The following CAMKMT variants were observed in gnomAD, a reference collection of about 807,000 sequenced individuals.
The protein encoded by CAMKMT is calmodulin-lysine N-methyltransferase, also known as CaM KMT.
Under a neutral mutation model 48.0 loss-of-function variants are expected in CAMKMT, and 53 were observed. The ratio of observed to expected loss-of-function variants is 1.10; its 90% CI spans 0.89 to 1.39. The LOEUF is 1.39. Among genes scored for constraint, CAMKMT ranks in the 40% most tolerant of loss-of-function variants. The probability of loss-of-function intolerance (pLI) is 0.00; values close to 1 mark genes in which losing one functional copy is unlikely to be tolerated. For missense variants in CAMKMT, 428 were observed against 402.7 expected, an observed-to-expected ratio of 1.06 and a Z score of -0.54; for synonymous variants, 165 against 152.3, an observed-to-expected ratio of 1.08 and a Z score of -0.61.
chr2:44,422,460 A>G (rs936082564), intron 3 of CAMKMT, among the ~76,000 whole-genome samples: 3 of 152,108 alleles, frequency 2.0e-5, no homozygotes, highest in East Asian at 1.9e-4. Context: ...TGGGAAATAC[A>G]GAGGGACCCA....
intron 2 of CAMKMT, among the ~76,000 whole-genome samples, chr2:44,384,444 A>G (rs1238423324): frequency 6.8e-6 from 1 of 147,828 alleles, no homozygotes; most frequent in East Asian, 2.0e-4. Flanking sequence ...TACTCTGCTG[A>G]CTGTTCCTTT....
intron 6 of CAMKMT, among the ~76,000 whole-genome samples, chr2:44,710,209 A>G (rs1342190272): frequency 1.3e-5 from 2 of 152,024 alleles, no homozygotes; most frequent in African/African-American, 4.8e-5. Flanking sequence ...GAATCTTTAT[A>G]TCACAGAAGC....
At chr2:44,527,794 C>CCT (rs1553409542) in intron 3 of CAMKMT, among the ~76,000 whole-genome samples, 3 of 137,388 alleles carry the variant, frequency 2.2e-5, no homozygotes, top group Non-Finnish European at 4.8e-5. Flanking sequence ...AGCCCCCCCC[C>CCT]CCATTATCAA....
intron 9 of CAMKMT, among the ~76,000 whole-genome samples, chr2:44,757,863 C>T (rs1386215101): frequency 1.3e-5 from 2 of 152,182 alleles, no homozygotes; most frequent in African/African-American, 2.4e-5. Flanking sequence ...TGAGCCACCA[C>T]GCTCGGCCTT....
At chr2:44,453,762 G>A (rs1667418182) in intron 3 of CAMKMT, among the ~76,000 whole-genome samples, 1 of 152,070 alleles carries the variant, frequency 6.6e-6, no homozygotes, top group Non-Finnish European at 1.5e-5. Flanking sequence ...ATGAATTACT[G>A]AAACATCATT....
chr2:44,542,027 G>C (rs1323395031), intron 3 of CAMKMT, among the ~76,000 whole-genome samples: 1 of 151,846 alleles, frequency 6.6e-6, no homozygotes, highest in Non-Finnish European at 1.5e-5. Context: ...TACTTGGGAG[G>C]CTGAGGCAGG....
At chr2:44,441,676 T>C (rs1666673258) in intron 3 of CAMKMT, among the ~76,000 whole-genome samples, 1 of 152,208 alleles carries the variant, frequency 6.6e-6, no homozygotes, top group Non-Finnish European at 1.5e-5. Flanking sequence ...TAATTTCAAA[T>C]TTAGAAAGTG....
At chr2:44,399,110 G>T (rs534880407) in intron 3 of CAMKMT, among the ~76,000 whole-genome samples, 4 of 152,128 alleles carry the variant, frequency 2.6e-5, no homozygotes, top group Non-Finnish European at 4.4e-5. Context: ...GCTTGTCCTG[G>T]TATACTGGAT....
chr2:44,578,092 G>T (rs1436129768), intron 3 of CAMKMT, among the ~76,000 whole-genome samples: 1 of 152,130 alleles, frequency 6.6e-6, no homozygotes, highest in African/African-American at 2.4e-5. Context: ...GTGTCAATTT[G>T]GTTTCTAGAT....
intron 3 of CAMKMT, among the ~76,000 whole-genome samples, chr2:44,595,796 A>G (rs919586260): frequency 3.9e-5 from 6 of 152,216 alleles, no homozygotes; most frequent in Admixed American, 6.5e-5. Context: ...ATGGAATAGT[A>G]TGCAGCTGTA....
chr2:44,575,127 G>A (rs1669143985), intron 3 of CAMKMT, among the ~76,000 whole-genome samples: 1 of 147,268 alleles, frequency 6.8e-6, no homozygotes, highest in Non-Finnish European at 1.5e-5. Context: ...CACCCAGGCT[G>A]GGGTGCAGTG....
chr2:44,689,680 T>G (rs924323335), intron 3 of CAMKMT, among the ~76,000 whole-genome samples: 1 of 152,236 alleles, frequency 6.6e-6, no homozygotes, highest in African/African-American at 2.4e-5. Flanking sequence ...CTCTGTGGTC[T>G]GATTTTCTGG....
rs79780506 is a variant in CAMKMT, at chr2:44,456,107, T to G, written c.376+65802T>G. ...AATGGTGCCTTGTGTAATTCAAATA[T>G]TTGTTCAGTAAAAGTCAGGTCAACA... On this transcript the variant is annotated intron_variant, in intron 3 of 10. Transcript: ENST00000378494. Among the ~76,000 whole-genome samples, 773 of 152,296 alleles carry G rather than the reference T, an allele frequency of 5.1e-3. 3 individuals carry two copies. The highest frequency in any genetic ancestry group is 0.018 in the African/African-American group (745 of 41,572).
At chr2:44,461,668 G>A (rs1667856387) in intron 3 of CAMKMT, among the ~76,000 whole-genome samples, 1 of 152,126 alleles carries the variant, frequency 6.6e-6, no homozygotes, top group African/African-American at 2.4e-5. Flanking sequence ...ATAAGTGAGT[G>A]TAAATGACTA....
chr2:44,596,061 A>G (rs1670636213), intron 3 of CAMKMT, among the ~76,000 whole-genome samples: 2 of 151,908 alleles, frequency 1.3e-5, no homozygotes, highest in South Asian at 2.1e-4. Context: ...GGTGCAGCAA[A>G]CCACCATGGC....
chr2:44,476,861 A>G (rs1440518011), intron 3 of CAMKMT, among the ~76,000 whole-genome samples: 2 of 152,198 alleles, frequency 1.3e-5, no homozygotes, highest in South Asian at 2.1e-4. Flanking sequence ...GGATTGGTCT[A>G]AGGATCAATG....
chr2:44,770,649 A>G (rs1043256900), intron 10 of CAMKMT, among the ~76,000 whole-genome samples: 8 of 152,170 alleles, frequency 5.3e-5, no homozygotes, highest in Admixed American at 2.0e-4. Context: ...GCAACTGGCA[A>G]CAAAAGTATT....
rs868783244 is a variant in CAMKMT at position 44,376,438 on chromosome 2, T to A, written c.311+3550T>A. On this transcript the variant is annotated intron_variant, in intron 2 of 10. Coordinates refer to ENST00000378494, the MANE Select transcript of CAMKMT (RefSeq NM_024766.5). Reference sequence around the variant, plus strand: ...CTGTATCAAAAAAAAAAAAAAAAAATAGACACTGGGGATGTTACAAGTTCC... The same window carrying A: ...CTGTATCAAAAAAAAAAAAAAAAAAAAGACACTGGGGATGTTACAAGTTCC... Among the ~76,000 whole-genome samples, 1,054 of 140,570 alleles carry A rather than the reference T, an allele frequency of 7.5e-3. 15 individuals are homozygous for A. The highest frequency in any genetic ancestry group is 0.026 in the African/African-American group (978 of 38,098). 92.2% of individuals were successfully genotyped at this position (140,570 alleles called of 152,430 possible). A position where few individuals can be genotyped will look rare whatever the true frequency, so the allele number is the denominator to read the frequency against.
Position 44,428,949 on chromosome 2 carries a change from C to T in CAMKMT, c.376+38644C>T, listed in dbSNP as rs576452662. 8.5e-5 allele frequency among the ~76,000 whole-genome samples: 13 copies of T among 152,284 alleles called. No homozygotes were observed. In the South Asian group the frequency reaches 2.7e-3, roughly 32 times the overall value. On this transcript the variant is annotated intron_variant, in intron 3 of 10. Transcript: ENST00000378494. ...CTAAACAGAGCAAGAAGTTATTTTG[C>T]CTTTTCCTGCCATTTCTCCATGCAT...
Sources: allele counts gnomAD v4.1 joint callset (sites outside exome capture counted in the v4.1 genomes callset), GRCh38; gene constraint gnomAD v4.1.1; transcripts MANE v1.5; gene names NCBI Gene and HGNC (gene_info 2026-07-23, HGNC 2026-07-21).